The following SRFBP1 variants were observed in gnomAD, a reference collection of about 807,000 sequenced individuals.
SRFBP1 encodes serum response factor-binding protein 1.
SRFBP1 carries 47 observed loss-of-function variants against 45.5 expected under a neutral mutation model. The ratio of observed to expected loss-of-function variants is 1.03; its 90% CI spans 0.82 to 1.32. SRFBP1 has a LOEUF of 1.32. SRFBP1 is among the 40% of genes most tolerant of loss of function. The probability of loss-of-function intolerance (pLI) is 0.00; values close to 1 mark genes in which losing one functional copy is unlikely to be tolerated. For missense variants in SRFBP1, 621 were observed against 484.6 expected, an observed-to-expected ratio of 1.28 and a Z score of -2.64; for synonymous variants, 203 against 166.3, an observed-to-expected ratio of 1.22 and a Z score of -1.70.
At chr5:122,019,432 A>C (rs1300096253) in intron 5 of SRFBP1, 91 bp downstream of exon 5, 3 of 988,752 alleles carry the variant, frequency 3.0e-6, no homozygotes, top group Non-Finnish European at 4.5e-6. Flanking sequence ...TTGAGGTTCT[A>C]TTATAAATAT....
At chr5:122,025,182 A>G (rs1029805972) in intron 7 of SRFBP1, among the ~76,000 whole-genome samples, 13 of 151,888 alleles carry the variant, frequency 8.6e-5, no homozygotes, top group African/African-American at 2.7e-4. Context: ...TCATTGTTCA[A>G]TTCCCACCTA....
intron 2 of SRFBP1, among the ~76,000 whole-genome samples, chr5:122,041,164 T>G (rs1368848271): frequency 6.6e-6 from 1 of 152,136 alleles, no homozygotes; most frequent in East Asian, 1.9e-4. Context: ...AAATGAGAGA[T>G]AAGTGGCTTG....
chr5:122,066,870 CA>C, intron 2 of SRFBP1: 1 of 661,322 alleles, frequency 1.5e-6, no homozygotes, highest in Non-Finnish European at 2.8e-6. Flanking sequence ...TCCACCTAAG[CA>C]GCAATCATGT....
At chr5:121,995,001 C>T (rs1448495107) in intron 4 of SRFBP1, among the ~76,000 whole-genome samples, 3 of 151,752 alleles carry the variant, frequency 2.0e-5, no homozygotes, top group Non-Finnish European at 4.4e-5. Flanking sequence ...TATATGCACC[C>T]AGATTCATAA....
chr5:122,053,834 T>C (rs1580546884), intron 2 of SRFBP1, among the ~76,000 whole-genome samples: 1 of 151,866 alleles, frequency 6.6e-6, no homozygotes, highest in African/African-American at 2.4e-5. Context: ...TGGGGGTAGG[T>C]GGAGTCACAT....
chr5:122,002,521 C>G (rs776307453), intron 4 of SRFBP1, among the ~76,000 whole-genome samples: 1 of 152,110 alleles, frequency 6.6e-6, no homozygotes, highest in East Asian at 1.9e-4. Flanking sequence ...TTTAGAATTA[C>G]GTATTGTGAA....
chr5:121,984,147 A>G (rs75875680), intron 3 of SRFBP1, among the ~76,000 whole-genome samples: 5 of 151,902 alleles, frequency 3.3e-5, no homozygotes, highest in African/African-American at 4.8e-5. Flanking sequence ...ACCAACCTCT[A>G]AAGTAGTGAT....
At chr5:122,022,101 A>T (rs1753338627) in intron 6 of SRFBP1, among the ~76,000 whole-genome samples, 1 of 152,168 alleles carries the variant, frequency 6.6e-6, no homozygotes, top group South Asian at 2.1e-4. Context: ...GGTAACCAAG[A>T]CAAGATATTT....
At position 122,074,957 on chromosome 5, in the gene SRFBP1, G is replaced by C. The variant is rs546781597; in HGVS notation, n.312-358G>C. On this transcript the variant is annotated intron_variant and non_coding_transcript_variant, in intron 2 of 2. Transcript: ENST00000504881. ...AGGCAACCACCTTGGGCTTGATACAGGTCTTTTAAAAGATGGAAGAAGGTC... is the reference window on the plus strand; with the variant it reads ...AGGCAACCACCTTGGGCTTGATACACGTCTTTTAAAAGATGGAAGAAGGTC... Among the ~76,000 whole-genome samples, 99 of 152,290 alleles carry C rather than the reference G, an allele frequency of 6.5e-4. 1 individual carries two copies. The highest frequency in any genetic ancestry group is 2.3e-3 in the African/African-American group (97 of 41,552).
chr5:122,056,047 G>T (rs950330683), intron 2 of SRFBP1, among the ~76,000 whole-genome samples: 1 of 152,056 alleles, frequency 6.6e-6, no homozygotes, highest in African/African-American at 2.4e-5. Context: ...GTTTCTCATA[G>T]GTGAAAAAAT....
chr5:122,077,760 C>T, downstream of SRFBP1: 1 of 1,552,138 alleles, frequency 6.4e-7, no homozygotes. The surrounding 1 kb of genome is among the most constrained non-coding windows in gnomAD (Gnocchi z 4.9). Context: ...GCACCAGGGA[C>T]GGCGGCGCCC....
intron 3 of SRFBP1, 52 bp downstream of exon 3, chr5:121,975,439 T>C (rs749661140): frequency 1.3e-6 from 2 of 1,598,750 alleles, no homozygotes; most frequent in Non-Finnish European, 1.7e-6. Flanking sequence ...TATCCTGTTA[T>C]CCTGCATTTT....
At chr5:122,050,389 G>A (rs1248830402) in intron 2 of SRFBP1, among the ~76,000 whole-genome samples, 1 of 152,018 alleles carries the variant, frequency 6.6e-6, no homozygotes, top group African/African-American at 2.4e-5. Context: ...TTATTTGGTT[G>A]GTTGGTTTTT....
rs1454169589 is a variant in SRFBP1 at position 122,068,328 on chromosome 5, AAG to A, written n.312-6983_312-6982del. Among the ~76,000 whole-genome samples the A allele has an allele frequency of 4.6e-5, 7 of 152,244 alleles. No individual in the cohort carries two copies. The East Asian group carries it at 1.4e-3, about 29-fold the overall frequency. On this transcript the variant is annotated intron_variant and non_coding_transcript_variant, in intron 2 of 2. Transcript: ENST00000504881. ...TCAATGGATTCTACTGATTAAAAGC[AAG>A]AGACATTCTATGCAACAGACCTCTC... is the stretch of plus-strand genomic sequence containing the variant.
chr5:122,027,733 G>A lies in SRFBP1; in HGVS notation c.*607G>A, dbSNP rs1241750501. 6.6e-6 allele frequency: 1 copy of A among 152,122 alleles called. No homozygotes were observed. The highest frequency in any genetic ancestry group is 1.5e-5 in the Non-Finnish European group (1 of 68,024). 9.4% of individuals were successfully genotyped at this position (152,122 alleles called of 1,614,324 possible). ...TAAAATAGTAACTTTTATTATGGATGTACAGATAAATATTAATTTTATTAT... is the reference window on the plus strand; with the variant it reads ...TAAAATAGTAACTTTTATTATGGATATACAGATAAATATTAATTTTATTAT... On this transcript the variant is annotated 3_prime_UTR_variant, in exon 8 of 8. Transcript: ENST00000339397.
intron 2 of SRFBP1, among the ~76,000 whole-genome samples, chr5:122,043,167 A>G (rs1356157632): frequency 6.6e-6 from 1 of 151,720 alleles, no homozygotes; most frequent in Non-Finnish European, 1.5e-5. Context: ...CATGAGACTT[A>G]TTTCCTTCTG....
chr5:122,076,867 G>C, downstream of SRFBP1: 2 of 1,604,714 alleles, frequency 1.2e-6, no homozygotes, highest in Non-Finnish European at 1.7e-6. Flanking sequence ...ACCGGGGAGC[G>C]GGGCCTCAGA....
downstream of SRFBP1, chr5:122,077,759 A>G (rs1198210031): frequency 6.4e-7 from 1 of 1,554,876 alleles, no homozygotes; most frequent in East Asian, 2.4e-5. This position sits in a 1 kb window ranked among gnomAD's most constrained non-coding sequence, Gnocchi z 4.9. Flanking sequence ...TGCACCAGGG[A>G]CGGCGGCGCC....
intron 2 of SRFBP1, chr5:122,065,798 C>T (rs982616050): frequency 6.6e-6 from 1 of 151,862 alleles, no homozygotes; most frequent in African/African-American, 2.4e-5. Context: ...TTGGGGGGGA[C>T]TTGTTTGTGT....
Sources: allele counts gnomAD v4.1 joint callset (sites outside exome capture counted in the v4.1 genomes callset), GRCh38; gene constraint gnomAD v4.1.1; non-coding constraint Gnocchi (gnomAD v3.1); transcripts MANE v1.5; gene names NCBI Gene and HGNC (gene_info 2026-07-23, HGNC 2026-07-21).